The following COL21A1 variants were observed in gnomAD, a reference collection of about 807,000 sequenced individuals.
The protein encoded by COL21A1 is collagen type XXI alpha 1 chain.
A neutral mutation model predicts 137.9 loss-of-function variants in COL21A1; 149 were observed. The ratio of observed to expected loss-of-function variants is 1.08; its 90% CI spans 0.95 to 1.24. The LOEUF (loss-of-function observed/expected upper bound fraction) is 1.24, where lower values mean the gene tolerates loss of function less well. COL21A1 is among the 50% of genes most tolerant of loss of function. The probability of loss-of-function intolerance (pLI) is 0.00; values close to 1 mark genes in which losing one functional copy is unlikely to be tolerated. For missense variants in COL21A1, 1,167 were observed against 1,158.4 expected (o/e 1.01, Z -0.11); for synonymous variants, 456 against 391.5 (o/e 1.16, Z -1.95).
At chr6:56,307,749 C>T (rs1286746562) in intron 1 of COL21A1, among the ~76,000 whole-genome samples, 2 of 152,154 alleles carry the variant, frequency 1.3e-5, no homozygotes, top group African/African-American at 4.8e-5. Flanking sequence ...CTTTCCGACA[C>T]TCCCCAGTGA....
At chr6:56,148,349 AG>A (rs1340622504) in intron 10 of COL21A1, among the ~76,000 whole-genome samples, 150 of 146,328 alleles carry the variant, frequency 1.0e-3, no homozygotes, top group African/African-American at 3.9e-3. Flanking sequence ...AGAGAGAGAG[AG>A]AGAGAGAGAG....
chr6:56,205,779 G>C (rs1160428782), intron 1 of COL21A1, among the ~76,000 whole-genome samples: 1 of 152,118 alleles, frequency 6.6e-6, no homozygotes, highest in Admixed American at 6.6e-5. Flanking sequence ...AGACACAGCA[G>C]ATCTCTTGGC....
intron 1 of COL21A1, among the ~76,000 whole-genome samples, chr6:56,186,503 C>T (rs1778314344): frequency 6.6e-6 from 1 of 152,094 alleles, no homozygotes; most frequent in African/African-American, 2.4e-5. Context: ...GTTCTAGCTA[C>T]AGCCATGGGC....
chr6:56,265,807 T>C (rs1763377860), intron 1 of COL21A1, among the ~76,000 whole-genome samples: 1 of 152,234 alleles, frequency 6.6e-6, no homozygotes, highest in Non-Finnish European at 1.5e-5. Context: ...AAAAAATATC[T>C]TCCTAGATAG....
Position 56,351,204 on chromosome 6 carries a change from T to G in COL21A1, c.-39+42767A>C, listed in dbSNP as rs538566784. 2.0e-4 allele frequency among the ~76,000 whole-genome samples: 31 copies of G among 152,374 alleles called. No homozygotes were observed. The East Asian group carries it at 5.8e-3, about 28-fold the overall frequency. ...TGACTTTAGCAGCACTGCTAAACTC[T>G]CTTTGGGTTCTTGGTTGTATTCTTT... On this transcript the variant is annotated intron_variant, in intron 1 of 28. Coordinates refer to the COL21A1 transcript ENST00000370819.
chr6:56,293,940 T>C (rs1285390006), intron 1 of COL21A1, among the ~76,000 whole-genome samples: 1 of 152,216 alleles, frequency 6.6e-6, no homozygotes, highest in Non-Finnish European at 1.5e-5. Context: ...ACAGCTGAGA[T>C]GCGCTAGCGC....
chr6:56,203,061 G>A (rs1243088876), intron 1 of COL21A1, among the ~76,000 whole-genome samples: 1 of 151,920 alleles, frequency 6.6e-6, no homozygotes, highest in Non-Finnish European at 1.5e-5. Flanking sequence ...TCTTGACTCA[G>A]CTTTAATTTT....
At chr6:56,150,300 C>T (rs2152248623) in intron 10 of COL21A1, among the ~76,000 whole-genome samples, 1 of 152,164 alleles carries the variant, frequency 6.6e-6, no homozygotes, top group Middle Eastern at 3.4e-3. Flanking sequence ...GGGCGGATCA[C>T]GAGGCCAGGA....
chr6:56,386,591 G>T (rs201442520), intron 1 of COL21A1, among the ~76,000 whole-genome samples: 1 of 91,460 alleles, frequency 1.1e-5, no homozygotes, highest in Non-Finnish European at 2.6e-5. Context: ...GATAAAACTT[G>T]TTGTTGTTGT....
intron 3 of COL21A1, among the ~76,000 whole-genome samples, chr6:56,174,832 A>T (rs551009849): frequency 9.2e-5 from 14 of 152,106 alleles, no homozygotes; most frequent in Non-Finnish European, 2.1e-4. Context: ...CTGATACCAA[A>T]GCCAGAAAAA....
In COL21A1 at chr6:56,076,383, C is replaced by T. The variant is rs559357900; in HGVS notation, c.1858-851G>A. Among the ~76,000 whole-genome samples the T allele has an allele frequency of 2.0e-5, 3 of 151,074 alleles. No individual in the cohort carries two copies. The South Asian group carries it at 6.2e-4, about 31-fold the overall frequency. ...TATAGAAACAAGAGACAGCAAGATA[C>T]AGGAATGAGAATAATAAGTAATAAA... On this transcript the variant is annotated intron_variant, in intron 18 of 29. Transcript: ENST00000244728.
chr6:56,146,678 A>G (rs1475303883), intron 10 of COL21A1, among the ~76,000 whole-genome samples: 1 of 152,122 alleles, frequency 6.6e-6, no homozygotes, highest in Admixed American at 6.6e-5. Flanking sequence ...CCAATATGCC[A>G]TGCATCAGGA....
chr6:56,159,968 T>C (rs1445931904), intron 9 of COL21A1, among the ~76,000 whole-genome samples: 1 of 152,120 alleles, frequency 6.6e-6, no homozygotes, highest in East Asian at 1.9e-4. Context: ...TGTGACTTCA[T>C]AAAGACTGGT....
At chr6:56,220,182 A>C (rs1780743707) in intron 1 of COL21A1, among the ~76,000 whole-genome samples, 1 of 152,162 alleles carries the variant, frequency 6.6e-6, no homozygotes, top group Non-Finnish European at 1.5e-5. Context: ...CAGTACTGGC[A>C]TACAAGGAGT....
intron 1 of COL21A1, among the ~76,000 whole-genome samples, chr6:56,386,472 G>A (rs1275713570): frequency 6.6e-6 from 1 of 152,092 alleles, no homozygotes; most frequent in Non-Finnish European, 1.5e-5. Flanking sequence ...GAATTGTTGG[G>A]TCATGTAGTA....
intron 1 of COL21A1, among the ~76,000 whole-genome samples, chr6:56,229,450 T>C (rs1464581469): frequency 6.6e-6 from 1 of 152,050 alleles, no homozygotes; most frequent in African/African-American, 2.4e-5. Flanking sequence ...ATAAAGTTAA[T>C]ATCTCGAAAG....
intron 1 of COL21A1, among the ~76,000 whole-genome samples, chr6:56,245,192 A>G (rs953629990): frequency 1.3e-5 from 2 of 152,138 alleles, no homozygotes; most frequent in African/African-American, 4.8e-5. Flanking sequence ...TCACTTTTAG[A>G]TGCTCTCTCA....
chr6:56,182,410 G>A, intron 2 of COL21A1, 121 bp downstream of exon 2: 1 of 645,768 alleles, frequency 1.5e-6, no homozygotes, highest in East Asian at 2.8e-5. Context: ...ATTTATTTTA[G>A]GGAGTTACAG....
chr6:56,282,749 C>T (rs1400109894), intron 1 of COL21A1, among the ~76,000 whole-genome samples: 1 of 139,748 alleles, frequency 7.2e-6, no homozygotes, highest in East Asian at 3.6e-4. Flanking sequence ...CTTGCAAAGA[C>T]ACATATTATC....
Sources: allele counts gnomAD v4.1 joint callset (sites outside exome capture counted in the v4.1 genomes callset), GRCh38; gene constraint gnomAD v4.1.1; transcripts MANE v1.5; gene names NCBI Gene and HGNC (gene_info 2026-07-23, HGNC 2026-07-21).